The following CLYBL variants were observed in gnomAD, a reference collection of about 807,000 sequenced individuals.
The protein encoded by CLYBL is citramalyl-CoA lyase.
A neutral mutation model predicts 38.9 loss-of-function variants in CLYBL; 31 were observed. The ratio of observed to expected loss-of-function variants is 0.80; its 90% confidence interval spans 0.60 to 1.08. The LOEUF is 1.08. Ranked by LOEUF, CLYBL falls within the 50% of genes least tolerant of loss-of-function variation. The probability of loss-of-function intolerance (pLI) is 0.00; values close to 1 mark genes in which losing one functional copy is unlikely to be tolerated. For missense variants in CLYBL, 434 were observed against 411.6 expected (o/e 1.05, Z -0.47); for synonymous variants, 171 against 158.6 (o/e 1.08, Z -0.59).
At chr13:99,809,240 A>G (rs528293636) in intron 2 of CLYBL, among the ~76,000 whole-genome samples, 37 of 152,306 alleles carry the variant, frequency 2.4e-4, no homozygotes, top group Non-Finnish European at 4.6e-4. Flanking sequence ...ATTTATTTTA[A>G]TCGTCCTGTA....
intron 2 of CLYBL, among the ~76,000 whole-genome samples, chr13:99,823,625 A>G (rs2050628740): frequency 6.6e-6 from 1 of 152,254 alleles, no homozygotes; most frequent in Non-Finnish European, 1.5e-5. Context: ...TGTGAAGGGC[A>G]TAGCCAATGT....
chr13:99,835,237 A>G (rs72653980), intron 2 of CLYBL, among the ~76,000 whole-genome samples: 8,253 of 152,324 alleles, frequency 0.054, 279 homozygotes, highest in East Asian at 0.16. Flanking sequence ...ACAAAGCAAC[A>G]GCAGCTCAAA....
At chr13:99,654,963 C>T (rs1002536619) in intron 1 of CLYBL, among the ~76,000 whole-genome samples, 2 of 152,148 alleles carry the variant, frequency 1.3e-5, no homozygotes, top group Non-Finnish European at 2.9e-5. Context: ...CGAGATCGCG[C>T]TCCGAAGTCC....
In CLYBL at chr13:99,766,087, A is replaced by C. The variant is rs1002910245; in HGVS notation, c.63-6737A>C. ...AGGCTAGTCTCGAACTCCTGCCTTC[A>C]AGTGATCCTCCTGCTTCAGCCTCCC... On this transcript the variant is annotated intron_variant, in intron 1 of 8. Transcript: ENST00000339105. 2.0e-5 allele frequency among the ~76,000 whole-genome samples: 3 copies of C among 152,064 alleles called. No individual in the cohort carries two copies. In the East Asian group the frequency reaches 5.8e-4, roughly 29 times the overall value.
At chr13:99,757,281 C>G (rs150423963) in intron 1 of CLYBL, among the ~76,000 whole-genome samples, 1 of 152,014 alleles carries the variant, frequency 6.6e-6, no homozygotes, top group East Asian at 1.9e-4. Context: ...GATTGAGTTT[C>G]ATTGCTTTCA....
At chr13:99,620,135 G>T (rs149136618) in intron 1 of CLYBL, among the ~76,000 whole-genome samples, 396 of 152,254 alleles carry the variant, frequency 2.6e-3, no homozygotes, top group African/African-American at 9.0e-3. Context: ...CAGCGCCTAG[G>T]GGTTAGGATT....
intron 1 of CLYBL, among the ~76,000 whole-genome samples, chr13:99,637,962 C>CTTATTT (rs767108553): frequency 1.1e-5 from 1 of 94,998 alleles, no homozygotes; most frequent in African/African-American, 3.9e-5. Context: ...TCAACAGTGC[C>CTTATTT]TTTTTTTTTT....
chr13:99,737,216 T>C (rs2048682505), intron 1 of CLYBL, among the ~76,000 whole-genome samples: 1 of 148,196 alleles, frequency 6.7e-6, no homozygotes, highest in Non-Finnish European at 1.5e-5. Flanking sequence ...CCCCTGTAAG[T>C]GTGTTTCCTA....
At chr13:99,859,369 T>C (rs1032899386) in intron 3 of CLYBL, among the ~76,000 whole-genome samples, 2 of 152,068 alleles carry the variant, frequency 1.3e-5, no homozygotes, top group Admixed American at 6.6e-5. Context: ...TCTCATCCCT[T>C]CCTCCACCCT....
intron 2 of CLYBL, among the ~76,000 whole-genome samples, chr13:99,835,215 A>G (rs1886031): frequency 0.67 from 101,651 of 152,136 alleles, 34,412 homozygotes; most frequent in African/African-American, 0.77. Flanking sequence ...AAGCTGCTAC[A>G]ACAGAAAAGA....
rs113839586 is a variant in CLYBL, at chr13:99,788,971, T to G, written c.249+15961T>G. 6.2e-4 allele frequency among the ~76,000 whole-genome samples: 94 copies of G among 152,328 alleles called. 1 individual carries two copies. The highest frequency in any genetic ancestry group is 2.2e-3 in the African/African-American group (90 of 41,566). ...AGGAATTTATCCGTTTCTTCTAGAT[T>G]TTCTAGTTTATTTATGTAAAGATGT... On this transcript the variant is annotated intron_variant, in intron 2 of 8. Transcript: ENST00000339105.
intron 7 of CLYBL, 72 bp downstream of exon 7, chr13:99,871,134 TTG>T (rs1363386611): frequency 1.3e-6 from 2 of 1,519,248 alleles, no homozygotes; most frequent in Non-Finnish European, 1.8e-6. Flanking sequence ...AACAAATATG[TTG>T]TGTGAATGGT....
At chr13:99,611,508 GT>G (rs2046626276) in intron 1 of CLYBL, among the ~76,000 whole-genome samples, 1 of 152,156 alleles carries the variant, frequency 6.6e-6, no homozygotes, top group Admixed American at 6.5e-5. Context: ...CCCACTGATT[GT>G]GATGTATTGT....
chr13:99,693,481 C>T (rs2047936673), intron 1 of CLYBL, among the ~76,000 whole-genome samples: 1 of 152,154 alleles, frequency 6.6e-6, no homozygotes, highest in Non-Finnish European at 1.5e-5. Context: ...GCTGGGTGCA[C>T]ACCCTCCTTA....
At chr13:99,655,130 C>A (rs2047312084) in intron 1 of CLYBL, among the ~76,000 whole-genome samples, 1 of 150,270 alleles carries the variant, frequency 6.7e-6, no homozygotes, top group Admixed American at 6.6e-5. Flanking sequence ...GGGTGGAGTG[C>A]AGTGGCGTGA....
chr13:99,764,491 A>G (rs559747861), intron 1 of CLYBL, among the ~76,000 whole-genome samples: 8 of 152,076 alleles, frequency 5.3e-5, no homozygotes, highest in Admixed American at 4.6e-4. Context: ...CTAGGAATTT[A>G]TCCATTTCTT....
intron 1 of CLYBL, among the ~76,000 whole-genome samples, chr13:99,655,201 A>G (rs994091524): frequency 1.3e-5 from 2 of 151,188 alleles, no homozygotes; most frequent in African/African-American, 4.9e-5. Context: ...TCAACCTCCC[A>G]AGTAGCTGGG....
chr13:99,645,802 T>G (rs936997969), intron 1 of CLYBL, among the ~76,000 whole-genome samples: 1 of 152,208 alleles, frequency 6.6e-6, no homozygotes, highest in Non-Finnish European at 1.5e-5. Context: ...CTTTGTTGAT[T>G]GTTTTCCTTT....
chr13:99,815,334 A>G (rs2050422955), intron 2 of CLYBL, among the ~76,000 whole-genome samples: 1 of 152,050 alleles, frequency 6.6e-6, no homozygotes, highest in South Asian at 2.1e-4. Flanking sequence ...GGATGGACCT[A>G]TGAAAAGCTC....
Sources: allele counts gnomAD v4.1 joint callset (sites outside exome capture counted in the v4.1 genomes callset), GRCh38; gene constraint gnomAD v4.1.1; transcripts MANE v1.5; gene names NCBI Gene and HGNC (gene_info 2026-07-23, HGNC 2026-07-21).